Variants in P2RX1 observed in about 807,000 individuals in gnomAD.
P2RX1 encodes P2X purinoceptor 1.
P2RX1 carries 42 observed loss-of-function variants against 50.3 expected under a neutral mutation model. That is an observed-to-expected ratio of 0.83 (90% CI 0.65 to 1.08). The LOEUF is 1.08. Ranked by LOEUF, P2RX1 falls within the 50% of genes least tolerant of loss-of-function variation. P2RX1 has a pLI of 0.00. For missense variants in P2RX1, 449 were observed against 529.0 expected, an observed-to-expected ratio of 0.85 and a Z score of 1.48; for synonymous variants, 199 against 202.6, an observed-to-expected ratio of 0.98 and a Z score of 0.15.
chr17:3,913,955 C>T (rs925675608), intron 1 of P2RX1, among the ~76,000 whole-genome samples: 4 of 152,148 alleles, frequency 2.6e-5, no homozygotes, highest in African/African-American at 4.8e-5. Context: ...GTCAGGGGTT[C>T]GGTTTGCCGC....
At chr17:3,898,577 G>A (rs1357908318) in intron 9 of P2RX1, 28 bp from the exon 10 acceptor site, 14 of 1,582,352 alleles carry the variant, frequency 8.8e-6, no homozygotes, top group Non-Finnish European at 1.2e-5. Context: ...GGAGAGAAGG[G>A]CTAACCGTCG....
At chr17:3,915,677 T>G (rs2052391553) in intron 1 of P2RX1, 1 of 462,518 alleles carries the variant, frequency 2.2e-6, no homozygotes, top group Non-Finnish European at 4.3e-6. Context: ...TGTCTCTCTC[T>G]AACTTGTCAT....
At position 3,903,727 on chromosome 17, in the gene P2RX1, G is replaced by A. The variant is rs1047535012; in HGVS notation, c.525-96C>T. 53 of 1,356,270 alleles carry A rather than the reference G, an allele frequency of 3.9e-5. No individual in the cohort carries two copies. Among genetic ancestry groups the A allele is most frequent in the African/African-American group, 1.0e-4 (7 of 70,056 alleles). 84.0% of individuals were successfully genotyped at this position (1,356,270 alleles called of 1,614,324 possible). Reference sequence around the variant, plus strand: ...ACAGCAGGGGGTGGGCCGAGCCTCCGGGACCCGCCTGCAGCCCTGGGCTGG... The same window carrying A: ...ACAGCAGGGGGTGGGCCGAGCCTCCAGGACCCGCCTGCAGCCCTGGGCTGG... On this transcript the variant is annotated intron_variant, in intron 5 of 11. Transcript: ENST00000225538. The surrounding 1 kb of genome is among the most constrained non-coding windows in gnomAD (Gnocchi z 4.6).
chr17:3,909,301 A>G (rs919577772), intron 1 of P2RX1, among the ~76,000 whole-genome samples: 1 of 152,072 alleles, frequency 6.6e-6, no homozygotes, highest in Non-Finnish European at 1.5e-5. Flanking sequence ...AGGTGCTGGG[A>G]TTACAGGCGG....
At chr17:3,910,986 T>A (rs1374889746) in intron 1 of P2RX1, among the ~76,000 whole-genome samples, 1 of 152,112 alleles carries the variant, frequency 6.6e-6, no homozygotes, top group South Asian at 2.1e-4. Context: ...TTTTTATTGT[T>A]CTTTATTTAT....
In P2RX1 at chr17:3,903,712, G is replaced by C; in HGVS notation, c.525-81C>G. The stretch of plus-strand genomic sequence containing the variant: ...CACACAGAGCTTGGCACAGCAGGGG[G>C]TGGGCCGAGCCTCCGGGACCCGCCT... On this transcript the variant is annotated intron_variant, in intron 5 of 11. Transcript: ENST00000225538. The surrounding 1 kb of genome is among the most constrained non-coding windows in gnomAD (Gnocchi z 4.6). The C allele has an allele frequency of 1.3e-6, 2 of 1,482,122 alleles. No individual in the cohort carries two copies. The highest frequency in any genetic ancestry group is 1.9e-6 in the Non-Finnish European group (2 of 1,064,988). The allele number at this position is 1,482,122 out of a possible 1,614,324, so 91.8% of individuals were successfully genotyped here.
At chr17:3,904,744 A>G (rs1298648581) in intron 3 of P2RX1, 114 bp downstream of exon 3, 2 of 807,006 alleles carry the variant, frequency 2.5e-6, no homozygotes, top group South Asian at 1.5e-5. Flanking sequence ...TTCCATCACT[A>G]TGGCCCCTGC....
chr17:3,901,077 C>A (rs1221644824), intron 7 of P2RX1, among the ~76,000 whole-genome samples: 2 of 150,274 alleles, frequency 1.3e-5, no homozygotes, highest in Admixed American at 1.3e-4. Context: ...TTTTTTTTTT[C>A]TTTTTTGTGA....
chr17:3,905,433 C>G, intron 1 of P2RX1, 66 bp from the exon 2 acceptor site: 1 of 1,576,714 alleles, frequency 6.3e-7, no homozygotes, highest in Non-Finnish European at 8.7e-7. Context: ...ACACGCTTTC[C>G]CACGCCCTCC....
chr17:3,906,546 C>G (rs2056268052), intron 1 of P2RX1, among the ~76,000 whole-genome samples: 1 of 152,212 alleles, frequency 6.6e-6, no homozygotes, highest in African/African-American at 2.4e-5. Context: ...TATGATCCAG[C>G]CATGCTGGGA....
Position 3,916,264 on chromosome 17 carries a change from G to A in P2RX1, c.-39C>T, listed in dbSNP as rs767185717. On this transcript the variant is annotated 5_prime_UTR_variant, in exon 1 of 12. Coordinates refer to ENST00000225538, the MANE Select transcript of P2RX1 (RefSeq NM_002558.4). ...GGGCTCAGAACTGAGCCCCCTGCACGGCCTCTGCTCTCAGGGTGAGCCGGG... is the reference window on the plus strand; with the variant it reads ...GGGCTCAGAACTGAGCCCCCTGCACAGCCTCTGCTCTCAGGGTGAGCCGGG... 7.5e-6 allele frequency: 12 copies of A among 1,606,882 alleles called. No homozygotes were observed. The East Asian group carries it at 1.3e-4, about 18-fold the overall frequency.
intron 2 of P2RX1, 89 bp from the exon 3 acceptor site, chr17:3,905,018 C>T: frequency 8.6e-7 from 1 of 1,168,806 alleles, no homozygotes; most frequent in Admixed American, 2.0e-5. Context: ...GCAGAGGCCC[C>T]TAGAGCCCAC....
chr17:3,906,576 G>C (rs1410589068), intron 1 of P2RX1, among the ~76,000 whole-genome samples: 1 of 152,252 alleles, frequency 6.6e-6, no homozygotes, highest in Non-Finnish European at 1.5e-5. Context: ...AGACAGCGAG[G>C]AAAACAGAGC....
At chr17:3,899,383 A>G (rs1043861488) in intron 8 of P2RX1, among the ~76,000 whole-genome samples, 22 of 149,442 alleles carry the variant, frequency 1.5e-4, no homozygotes, top group African/African-American at 5.2e-4. Context: ...CCCAGCTCCC[A>G]ATGTCAGCAA....
At position 3,905,308 on chromosome 17, in the gene P2RX1, G is replaced by T; in HGVS notation, c.197C>A (p.Ser66Tyr). The T allele has an allele frequency of 6.2e-7, 1 of 1,614,042 alleles. No homozygotes were observed. The highest frequency in any genetic ancestry group is 1.3e-5 in the African/African-American group (1 of 75,078). ...QTSSGLISSV[S>Y]VKLKGLAVTQ... is the part of the protein sequence containing the mutation. ...CACGGCCAGGCCCTTGAGTTTCACA[G>T]AGACACTGCTGATGAGGCCGCTCGA... Residue 66 changes from serine to tyrosine, a missense_variant, in exon 2 of 12, where the codon TCT becomes TAT. Physicochemically the swap from Ser to Tyr is moderately radical, Grantham distance 144 (BLOSUM62 -2). Coordinates refer to ENST00000225538, the MANE Select transcript of P2RX1 (RefSeq NM_002558.4).
chr17:3,901,161 A>G (rs80185578), intron 7 of P2RX1, among the ~76,000 whole-genome samples: 6 of 152,136 alleles, frequency 3.9e-5, no homozygotes, highest in Admixed American at 1.3e-4. Context: ...TCTGCCTCCC[A>G]GGTTCAAGCG....
Position 3,897,779 on chromosome 17 carries a change from C to T in P2RX1, c.*35G>A. 3 of 1,601,260 alleles carry T rather than the reference C, an allele frequency of 1.9e-6. No individual in the cohort carries two copies. The highest frequency in any genetic ancestry group is 1.7e-6 in the Non-Finnish European group (2 of 1,171,484). The stretch of plus-strand genomic sequence containing the variant: ...CCACCAGGGCTCCAGGCTGAAGCCT[C>T]ACGCTGCACCCAGTCAGGAGTTGGG... On this transcript the variant is annotated 3_prime_UTR_variant, in exon 12 of 12. Transcript: ENST00000225538.
intron 7 of P2RX1, among the ~76,000 whole-genome samples, chr17:3,902,056 C>G (rs1370219495): frequency 2.0e-5 from 3 of 152,216 alleles, no homozygotes; most frequent in Non-Finnish European, 4.4e-5. Context: ...TCCCAGGTGA[C>G]TGCGAGGATC....
At chr17:3,898,203 CT>C (rs758516960) in intron 10 of P2RX1, 93 bp from the exon 11 acceptor site, 3 of 1,120,884 alleles carry the variant, frequency 2.7e-6, no homozygotes, top group Non-Finnish European at 4.1e-6. Context: ...TGGTGAGGCC[CT>C]GGCTGGATCT....
Sources: allele counts gnomAD v4.1 joint callset (sites outside exome capture counted in the v4.1 genomes callset), GRCh38; gene constraint gnomAD v4.1.1; non-coding constraint Gnocchi (gnomAD v3.1); transcripts MANE v1.5; gene names NCBI Gene and HGNC (gene_info 2026-07-23, HGNC 2026-07-21).